Variants in LTBP1 observed in about 807,000 individuals in gnomAD.
LTBP1 encodes the protein latent-transforming growth factor beta-binding protein 1.
LTBP1 carries 129 observed loss-of-function variants against 207.6 expected under a neutral mutation model. The observed-to-expected ratio is 0.62, with a 90% CI of 0.54 to 0.72. The LOEUF (loss-of-function observed/expected upper bound fraction) is 0.72, where lower values mean the gene tolerates loss of function less well. Among genes scored for constraint, LTBP1 ranks in the 30% least tolerant of loss-of-function variants. The pLI is 0.00. For synonymous variants in LTBP1, 963 were observed against 833.7 expected (o/e 1.16, Z -2.67); for missense variants, 2,281 against 2,217.2 (o/e 1.03, Z -0.58).
intron 4 of LTBP1, among the ~76,000 whole-genome samples, chr2:33,121,302 T>C (rs866510707): frequency 1.3e-5 from 2 of 152,124 alleles, no homozygotes; most frequent in African/African-American, 2.4e-5. Flanking sequence ...ATGAAAATAT[T>C]TTAAATATGC....
chr2:33,076,862 G>T (rs1211249058), intron 3 of LTBP1, among the ~76,000 whole-genome samples: 1 of 152,158 alleles, frequency 6.6e-6, no homozygotes, highest in African/African-American at 2.4e-5. Flanking sequence ...TTATGGCTGT[G>T]ACTTCAACTT....
At chr2:33,323,751 C>G (rs150606086) in intron 24 of LTBP1, among the ~76,000 whole-genome samples, 3 of 152,310 alleles carry the variant, frequency 2.0e-5, no homozygotes, top group Non-Finnish European at 4.4e-5. Flanking sequence ...CAGTCTGTAG[C>G]TCATCCTGGA....
At chr2:33,123,180 G>A (rs2081246091) in intron 4 of LTBP1, among the ~76,000 whole-genome samples, 1 of 152,164 alleles carries the variant, frequency 6.6e-6, no homozygotes, top group Admixed American at 6.5e-5. Flanking sequence ...TTGGAGAATT[G>A]TTCTGCCTGG....
rs1573467318 is a variant in LTBP1 at position 33,257,339 on chromosome 2, T to C, written c.2223T>C (p.His741=). The change falls in exon 12 of 34, where the codon CAT becomes CAC. Residue 741 remains histidine, a synonymous_variant. Transcript: ENST00000404816. ...GGMGYTVSGV[H]RRRPIHHHVG... is the part of the protein sequence containing the mutation. ...TGGGTTATACGGTTTCTGGCGTTCA[T>C]AGACGCAGGCCAATCCATCACCATG... The C allele has an allele frequency of 3.1e-6, 5 of 1,614,220 alleles. No individual in the cohort carries two copies. Among genetic ancestry groups the C allele is most frequent in the Non-Finnish European group, 4.2e-6 (5 of 1,180,030 alleles).
At chr2:33,196,886 T>G (rs1429748914) in intron 7 of LTBP1, among the ~76,000 whole-genome samples, 2 of 152,204 alleles carry the variant, frequency 1.3e-5, no homozygotes, top group African/African-American at 2.4e-5. Flanking sequence ...GTGAATAGAT[T>G]TGCTGATGAT....
chr2:33,216,780 C>G (rs747602454), intron 7 of LTBP1, among the ~76,000 whole-genome samples: 1 of 152,148 alleles, frequency 6.6e-6, no homozygotes, highest in Non-Finnish European at 1.5e-5. Context: ...GGCACTTCCT[C>G]ACCCCATTGA....
intron 3 of LTBP1, among the ~76,000 whole-genome samples, chr2:33,066,172 T>C (rs2077499171): frequency 6.6e-6 from 1 of 152,250 alleles, no homozygotes. Context: ...CAGAAGATTT[T>C]AAATTTTATG....
At chr2:32,993,141 G>A (rs1684680703) in intron 2 of LTBP1, among the ~76,000 whole-genome samples, 1 of 152,084 alleles carries the variant, frequency 6.6e-6, no homozygotes, top group Non-Finnish European at 1.5e-5. Context: ...GCAGCATGAG[G>A]AGGGTCAGGA....
At chr2:33,253,330 G>C (rs2092734910) in intron 11 of LTBP1, among the ~76,000 whole-genome samples, 2 of 152,148 alleles carry the variant, frequency 1.3e-5, no homozygotes, top group African/African-American at 4.8e-5. Flanking sequence ...ATAACTTAAG[G>C]ACAGAACTTG....
chr2:33,359,982 C>A (rs978535487), intron 26 of LTBP1, among the ~76,000 whole-genome samples: 12 of 152,178 alleles, frequency 7.9e-5, no homozygotes, highest in Non-Finnish European at 1.8e-4. Context: ...GGGACTAGAA[C>A]CCAGATTTGA....
At chr2:33,336,601 C>G (rs1040355560) in intron 24 of LTBP1, among the ~76,000 whole-genome samples, 8 of 152,166 alleles carry the variant, frequency 5.3e-5, no homozygotes, top group South Asian at 2.1e-4. Flanking sequence ...TGGAGATTTT[C>G]CTATGAATTA....
chr2:32,988,415 C>T (rs1683917194), intron 2 of LTBP1, among the ~76,000 whole-genome samples: 1 of 152,078 alleles, frequency 6.6e-6, no homozygotes, highest in Non-Finnish European at 1.5e-5. Context: ...CCATTTCTAC[C>T]ACACTGAGCT....
chr2:33,147,430 A>G (rs1432429200), intron 5 of LTBP1, among the ~76,000 whole-genome samples: 1 of 152,136 alleles, frequency 6.6e-6, no homozygotes, highest in Non-Finnish European at 1.5e-5. Context: ...TGTGCTGCCC[A>G]CCTGTGGATC....
intron 24 of LTBP1, among the ~76,000 whole-genome samples, chr2:33,327,780 C>G (rs1447931612): frequency 6.6e-6 from 1 of 151,944 alleles, no homozygotes; most frequent in Non-Finnish European, 1.5e-5. Context: ...GAGTCTCTAA[C>G]CAGGAAATGC....
chr2:33,288,690 T>C (rs956414767), intron 19 of LTBP1, among the ~76,000 whole-genome samples: 2 of 151,524 alleles, frequency 1.3e-5, no homozygotes, highest in Non-Finnish European at 1.5e-5. Flanking sequence ...CCCGTCTCTA[T>C]TAAAAATACA....
At chr2:33,157,214 T>C (rs1226988717) in intron 5 of LTBP1, among the ~76,000 whole-genome samples, 1 of 152,202 alleles carries the variant, frequency 6.6e-6, no homozygotes, top group Non-Finnish European at 1.5e-5. Flanking sequence ...GACTTGTTAT[T>C]GTCTGTGATT....
chr2:33,286,062 C>T lies in LTBP1; in HGVS notation c.3112+5904C>T, dbSNP rs77816540. Among the ~76,000 whole-genome samples, 165 of 152,268 alleles carry T rather than the reference C, an allele frequency of 1.1e-3. 1 individual carries two copies. In the East Asian group the frequency reaches 0.02, roughly 18 times the overall value. On this transcript the variant is annotated intron_variant, in intron 19 of 33. Coordinates refer to ENST00000404816, the MANE Select transcript of LTBP1 (RefSeq NM_206943.4). ...CTCACCTTCACAAGGCAGAATATGC[C>T]ACCTATTGGATATATGCAGCTAGCC...
chr2:33,050,074 C>T (rs1485973564), intron 3 of LTBP1, among the ~76,000 whole-genome samples: 1 of 151,870 alleles, frequency 6.6e-6, no homozygotes, highest in Admixed American at 6.6e-5. Flanking sequence ...GAACTCCCGG[C>T]CTCAAGCGAT....
At chr2:33,348,851 A>G (rs186167146) in intron 26 of LTBP1, among the ~76,000 whole-genome samples, 140 of 152,340 alleles carry the variant, frequency 9.2e-4, no homozygotes, top group African/African-American at 3.3e-3. Flanking sequence ...GACCGAACCA[A>G]TAACTAATTG....
Sources: gnomAD v4.1 joint callset for allele counts (sites outside exome capture counted in the v4.1 genomes callset) on GRCh38, gnomAD v4.1.1 for gene constraint, MANE v1.5 for transcripts, NCBI Gene and HGNC (gene_info 2026-07-23, HGNC 2026-07-21) for gene names.